The following TASOR2 variants were observed in gnomAD, a reference collection of about 807,000 sequenced individuals.
TASOR2 encodes transcription activation suppressor family member 2, also known as protein TASOR 2.
A neutral mutation model predicts 199.5 loss-of-function variants in TASOR2; 84 were observed. The ratio of observed to expected loss-of-function variants is 0.42; its 90% CI spans 0.35 to 0.50. The LOEUF (loss-of-function observed/expected upper bound fraction) is 0.50, where lower values mean the gene tolerates loss of function less well. Among genes scored for constraint, TASOR2 ranks in the 20% least tolerant of loss-of-function variants. The pLI, the probability that TASOR2 is intolerant of heterozygous loss-of-function variation, is 0.02. For missense variants in TASOR2, 2,796 were observed against 2,835.9 expected, an observed-to-expected ratio of 0.99 and a Z score of 0.32; for synonymous variants, 1,103 against 1,046.6, an observed-to-expected ratio of 1.05 and a Z score of -1.04.
At chr10:5,746,598 T>C (rs1234172288) in exon 15 of TASOR2, 9 of 1,613,858 alleles carry the variant, frequency 5.6e-6, no homozygotes, top group African/African-American at 1.3e-5. Context: ...TTGAAAAAAA[T>C]GCACATGTAC....
chr10:5,709,491 A>G, intron 1 of TASOR2: 1 of 1,191,696 alleles, frequency 8.4e-7, no homozygotes, highest in East Asian at 3.2e-5. Context: ...TATAAATAGA[A>G]TTGTTCACTT....
chr10:5,705,926 A>G (rs1838530630), intron 1 of TASOR2, among the ~76,000 whole-genome samples: 1 of 152,168 alleles, frequency 6.6e-6, no homozygotes, highest in African/African-American at 2.4e-5. Context: ...GTGCCCTATG[A>G]AAACTTTATG....
At chr10:5,733,420 A>C (rs1478296261) in intron 11 of TASOR2, among the ~76,000 whole-genome samples, 46 of 152,184 alleles carry the variant, frequency 3.0e-4, no homozygotes, top group Admixed American at 2.7e-3. Context: ...AGACACGAGA[A>C]TCTCTTGAAC....
rs370197138 is a variant in TASOR2, at chr10:5,740,218, C to T, written c.2048C>T (p.Thr683Ile). The change falls in exon 13 of 21, where the codon ACA becomes ATA. Residue 683 changes from threonine to isoleucine, a missense_variant. This residue lies in a region of TASOR2 where 847 missense variants were observed against 887.4 expected (regional missense o/e 0.95). Coordinates refer to ENST00000328090, the Ensembl canonical transcript of TASOR2. This position sits in a 1 kb window ranked among gnomAD's most constrained non-coding sequence, Gnocchi z 5.3. Reference sequence around the variant, plus strand: ...AGCCCTCTGTTTCCCAGGAATGGGACAAAAAGCCCTGAAGCAGCAACCCCA... The same window carrying T: ...AGCCCTCTGTTTCCCAGGAATGGGATAAAAAGCCCTGAAGCAGCAACCCCA... 260 of 1,614,196 alleles carry T rather than the reference C, an allele frequency of 1.6e-4. No individual in the cohort carries two copies. Among genetic ancestry groups the T allele is most frequent in the Non-Finnish European group, 2.0e-4 (241 of 1,180,042 alleles).
chr10:5,700,795 T>TGG (rs55829675), intron 1 of TASOR2, among the ~76,000 whole-genome samples: 4 of 29,454 alleles, frequency 1.4e-4, no homozygotes, highest in Non-Finnish European at 4.1e-4. Context: ...GGGGTGTGTC[T>TGG]GTGTGTGTGT....
At chr10:5,736,974 G>C (rs1355354815) in intron 12 of TASOR2, among the ~76,000 whole-genome samples, 3 of 152,040 alleles carry the variant, frequency 2.0e-5, no homozygotes, top group Non-Finnish European at 4.4e-5. Context: ...GTTTTGTTTT[G>C]TTTTGAGATA....
rs372624122 is a variant in TASOR2 at position 5,748,889 on chromosome 10, A to T, written c.5468A>T (p.His1823Leu). 47 of 1,614,072 alleles carry T rather than the reference A, an allele frequency of 2.9e-5. No individual in the cohort carries two copies. In the African/African-American group the frequency reaches 4.5e-4, roughly 16 times the overall value. ...GAGGTCGGTGTGAATTCCGACATGC[A>T]CTATGAACTCTCTGGAGATTCTGAT... The change falls in exon 15 of 21, where the codon CAC becomes CTC. Residue 1823 changes from histidine to leucine, a missense_variant. His to Leu is a moderately conservative substitution (Grantham distance 99). Transcript: ENST00000328090. The surrounding 1 kb of genome is among the most constrained non-coding windows in gnomAD (Gnocchi z 5.1).
intron 1 of TASOR2, among the ~76,000 whole-genome samples, chr10:5,703,825 T>C (rs964865442): frequency 6.6e-6 from 1 of 152,130 alleles, no homozygotes; most frequent in African/African-American, 2.4e-5. Context: ...TTTAAGATTT[T>C]TTTGCATGTG....
chr10:5,730,508 A>G lies in TASOR2; in HGVS notation c.509A>G (p.Glu170Gly). The change falls in exon 11 of 21, where the codon GAA becomes GGA. Residue 170 changes from glutamate (E) to glycine (G), a missense_variant. Transcript: ENST00000328090. This position sits in a 1 kb window ranked among gnomAD's most constrained non-coding sequence, Gnocchi z 4.1. ...CTAGGGGTGAAAGATTTGAAAGTTG[A>G]AGATGACATCTCAATGAAGGTGATA... 6.2e-7 allele frequency: 1 copy of G among 1,601,712 alleles called. No homozygotes were observed. The highest frequency in any genetic ancestry group is 8.5e-7 in the Non-Finnish European group (1 of 1,175,322).
chr10:5,746,419 G>C lies in TASOR2; in HGVS notation c.2998G>C (p.Glu1000Gln), dbSNP rs768065436. 3 of 1,614,088 alleles carry C rather than the reference G, an allele frequency of 1.9e-6. No individual in the cohort carries two copies. In the African/African-American group the frequency reaches 4.0e-5, roughly 22 times the overall value. ...TCAGAGCTCTGTGTACGGCACCCTT[G>C]AAAACAAAGTGGATATTCTTGATGC... The change falls in exon 15 of 21, where the codon GAA (glutamate) becomes CAA (glutamine). Residue 1000 changes from glutamate to glutamine, a missense_variant. Transcript: ENST00000328090.
At position 5,754,258 on chromosome 10, in the gene TASOR2, A is replaced by C. The variant is rs1055085566; in HGVS notation, c.6607-2355A>C. Among the ~76,000 whole-genome samples the C allele has an allele frequency of 2.0e-5, 3 of 152,198 alleles. No individual in the cohort carries two copies. Among genetic ancestry groups the C allele is most frequent in the Non-Finnish European group, 4.4e-5 (3 of 68,032 alleles). On this transcript the variant is annotated intron_variant, in intron 15 of 20. Transcript: ENST00000328090. The surrounding 1 kb of genome is among the most constrained non-coding windows in gnomAD (Gnocchi z 4.3). Reference sequence around the variant, plus strand: ...GGTTGTAGTAAGCCACTGTGCTCCCAGCCTGCCCGACAGAGTGAGACTCCA... The same window carrying C: ...GGTTGTAGTAAGCCACTGTGCTCCCCGCCTGCCCGACAGAGTGAGACTCCA...
chr10:5,694,969 A>G (rs1425724658), intron 1 of TASOR2, among the ~76,000 whole-genome samples: 6 of 152,186 alleles, frequency 3.9e-5, no homozygotes, highest in Non-Finnish European at 8.8e-5. Context: ...TTACTTTGCC[A>G]ATGCATATAT....
Position 5,752,335 on chromosome 10 carries a change from G to A in TASOR2, c.6606+2308G>A, listed in dbSNP as rs186953383. On this transcript the variant is annotated intron_variant, in intron 15 of 20. Transcript: ENST00000328090. This position sits in a 1 kb window ranked among gnomAD's most constrained non-coding sequence, Gnocchi z 4.4. ...CGCATTGAGGGTGATTGGCCTGGCC[G>A]GGGAGGTCTTTGCTCAGGAAGTGCT... 2.6e-5 allele frequency among the ~76,000 whole-genome samples: 4 copies of A among 152,372 alleles called. No individual in the cohort carries two copies. The highest frequency in any genetic ancestry group is 7.2e-5 in the African/African-American group (3 of 41,594).
chr10:5,739,464 G>A (rs1836074365), intron 12 of TASOR2, among the ~76,000 whole-genome samples, 154 bp from the exon 14 acceptor site: 1 of 152,102 alleles, frequency 6.6e-6, no homozygotes, highest in South Asian at 2.1e-4. Flanking sequence ...TCTGAGGGTT[G>A]GAAGAGACCT....
chr10:5,746,470 T>G (rs758386629), exon 15 of TASOR2: 33 of 1,614,066 alleles, frequency 2.0e-5, no homozygotes, highest in African/African-American at 4.0e-5. Flanking sequence ...AACAGGTACT[T>G]TACAGGACCT....
intron 2 of TASOR2, among the ~76,000 whole-genome samples, chr10:5,715,146 T>C (rs532358504): frequency 6.6e-6 from 1 of 151,654 alleles, no homozygotes; most frequent in South Asian, 2.1e-4. Context: ...TTTTTATTAG[T>C]GCCAGGTGCT....
chr10:5,717,075 G>A (rs936502768), intron 2 of TASOR2, among the ~76,000 whole-genome samples: 9 of 147,234 alleles, frequency 6.1e-5, no homozygotes, highest in Middle Eastern at 3.6e-3. Flanking sequence ...ACAATCTTAC[G>A]ATTTCATTGC....
intron 15 of TASOR2, among the ~76,000 whole-genome samples, chr10:5,753,565 C>G (rs887203492): frequency 6.6e-6 from 1 of 152,072 alleles, no homozygotes; most frequent in Non-Finnish European, 1.5e-5. Context: ...GGAGTTTCAC[C>G]GTGTTAGGAT....
rs1564335199 is a variant in TASOR2 at position 5,742,451 on chromosome 10, GA to G, written c.2689del (p.Thr897LeufsTer24). 1 of 1,613,618 alleles carries G rather than the reference GA, an allele frequency of 6.2e-7. No homozygotes were observed. ...TGGAACTCTGTGTACAAAATGAACA[GA>G]AAAAAACTTTTGCAAGAGAGTGTGA... On this transcript the variant is annotated frameshift_variant, in exon 14 of 21. Coordinates refer to ENST00000328090, the Ensembl canonical transcript of TASOR2. LOFTEE classifies it high-confidence loss of function. This position sits in a 1 kb window ranked among gnomAD's most constrained non-coding sequence, Gnocchi z 4.2.
Sources: gnomAD v4.1 joint callset for allele counts (sites outside exome capture counted in the v4.1 genomes callset) on GRCh38, gnomAD v4.1.1 for gene constraint, gnomAD v4.1.1 regional missense constraint, Gnocchi (gnomAD v3.1) non-coding constraint, MANE v1.5 for transcripts, NCBI Gene and HGNC (gene_info 2026-07-23, HGNC 2026-07-21) for gene names.